Variants in ERG observed in about 807,000 individuals in gnomAD.
ERG encodes transcriptional regulator ERG.
In ERG, 9 loss-of-function variants were observed where a neutral mutation model predicts 55.3. That is an observed-to-expected ratio of 0.16 (90% CI 0.10 to 0.28). ERG has a LOEUF of 0.28. Among genes scored for constraint, ERG ranks in the 10% least tolerant of loss-of-function variants. The pLI, the probability that ERG is intolerant of heterozygous loss-of-function variation, is 1.00. For missense variants in ERG, 434 were observed against 631.6 expected (o/e 0.69, Z 3.35); for synonymous variants, 223 against 237.3 (o/e 0.94, Z 0.55).
intron 1 of ERG, among the ~76,000 whole-genome samples, chr21:38,576,980 C>T (rs1271409470): frequency 6.6e-6 from 1 of 152,204 alleles, no homozygotes; most frequent in Non-Finnish European, 1.5e-5. Flanking sequence ...TTTTTTGGCA[C>T]TAAAAATGCC....
the ERG span, among the ~76,000 whole-genome samples, chr21:38,373,045 A>C: frequency 6.6e-6 from 1 of 151,882 alleles, no homozygotes; most frequent in East Asian, 1.9e-4. Context: ...CTCAGTGCAC[A>C]CTCTTTGCTC....
intron 2 of ERG, among the ~76,000 whole-genome samples, chr21:38,555,226 C>T (rs561287460): frequency 6.6e-6 from 1 of 151,984 alleles, no homozygotes; most frequent in East Asian, 1.9e-4. Context: ...ACTCAGGAGG[C>T]TGAGGCAGGA....
chr21:38,506,857 T>C (rs1433179435), intron 2 of ERG, among the ~76,000 whole-genome samples: 1 of 152,134 alleles, frequency 6.6e-6, no homozygotes, highest in African/African-American at 2.4e-5. Context: ...TAGGATACAT[T>C]TTCCTCTCGC....
At chr21:38,369,411 G>A in the ERG span, among the ~76,000 whole-genome samples, 3 of 152,160 alleles carry the variant, frequency 2.0e-5, no homozygotes, top group Non-Finnish European at 2.9e-5. Context: ...CCACATGTAT[G>A]TTTTCTTCTG....
intron 1 of ERG, among the ~76,000 whole-genome samples, chr21:38,599,064 T>A (rs2060148239): frequency 6.6e-6 from 1 of 152,026 alleles, no homozygotes; most frequent in Non-Finnish European, 1.5e-5. Context: ...CCTCCAAGGG[T>A]TCCCCTAGGG....
At position 38,523,636 on chromosome 21, in the gene ERG, C is replaced by T. The variant is rs944884496; in HGVS notation, c.-41+52026G>A. 3.9e-5 allele frequency among the ~76,000 whole-genome samples: 6 copies of T among 152,112 alleles called. No homozygotes were observed. The East Asian group carries it at 5.8e-4, about 15-fold the overall frequency. ...CACCCCACTCATTATTGTAATTCTC[C>T]GTAAAACCCCAGTTACCCACACGGA... On this transcript the variant is annotated intron_variant, in intron 2 of 8. Transcript: ENST00000398897.
chr21:38,594,340 C>G (rs923815276), intron 1 of ERG, among the ~76,000 whole-genome samples: 1 of 152,200 alleles, frequency 6.6e-6, no homozygotes, highest in Non-Finnish European at 1.5e-5. Flanking sequence ...TTCCCCGACA[C>G]TCAGGACCTG....
At chr21:38,643,299 T>C (rs1024812093) in intron 1 of ERG, among the ~76,000 whole-genome samples, 2 of 152,168 alleles carry the variant, frequency 1.3e-5, no homozygotes, top group African/African-American at 4.8e-5. Context: ...ATTTACGGGA[T>C]GGTTTAATTG....
At chr21:38,397,924 C>T (rs1988307588) in intron 6 of ERG, among the ~76,000 whole-genome samples, 1 of 152,170 alleles carries the variant, frequency 6.6e-6, no homozygotes, top group Non-Finnish European at 1.5e-5. Flanking sequence ...TGGCTTGCTT[C>T]ATGGTCAGCA....
At chr21:38,618,018 A>G (rs2060268594) in intron 1 of ERG, among the ~76,000 whole-genome samples, 1 of 152,216 alleles carries the variant, frequency 6.6e-6, no homozygotes, top group African/African-American at 2.4e-5. Flanking sequence ...AATAAGGGGT[A>G]GGCCCAAGCC....
intron 2 of ERG, among the ~76,000 whole-genome samples, chr21:38,511,472 A>G (rs2059510984): frequency 6.6e-6 from 1 of 152,210 alleles, no homozygotes; most frequent in Admixed American, 6.5e-5. Flanking sequence ...TAGACTGCAC[A>G]TATGTAGGGA....
Position 38,461,784 on chromosome 21 carries a change from TA to T in ERG, c.19-16164del, listed in dbSNP as rs796446646. ...TTTCATAAAAATATCTCATTTGTGT[TA>T]ACATGCAATGAGTTTATTTATTTAT... On this transcript the variant is annotated intron_variant, in intron 1 of 9. Coordinates refer to ENST00000288319, the MANE Select transcript of ERG (RefSeq NM_182918.4). 8.0e-4 allele frequency among the ~76,000 whole-genome samples: 122 copies of T among 152,362 alleles called. 1 individual carries two copies. Among genetic ancestry groups the T allele is most frequent in the African/African-American group, 2.7e-3 (113 of 41,586 alleles).
At chr21:38,473,654 A>AT (rs955755169) in intron 1 of ERG, among the ~76,000 whole-genome samples, 5 of 151,824 alleles carry the variant, frequency 3.3e-5, no homozygotes, top group African/African-American at 1.2e-4. Flanking sequence ...GAGAGGGAAA[A>AT]TTTTTTTTGA....
intron 2 of ERG, among the ~76,000 whole-genome samples, chr21:38,424,444 A>G (rs759635954): frequency 3.3e-5 from 5 of 152,216 alleles, no homozygotes; most frequent in Non-Finnish European, 4.4e-5. Context: ...TGCACAGAAC[A>G]CGCACAAGGG....
At chr21:38,489,875 A>G (rs2146672584) in intron 1 of ERG, among the ~76,000 whole-genome samples, 1 of 152,352 alleles carries the variant, frequency 6.6e-6, no homozygotes, top group Admixed American at 6.5e-5. Context: ...TAAGAGGCTC[A>G]GGAGGGGTCC....
intron 2 of ERG, among the ~76,000 whole-genome samples, chr21:38,512,187 T>C (rs2059517530): frequency 6.6e-6 from 1 of 151,538 alleles, no homozygotes; most frequent in African/African-American, 2.4e-5. Context: ...ATCACAGGAG[T>C]TTACTATCCA....
chr21:38,563,669 C>A (rs1027639313), intron 2 of ERG, among the ~76,000 whole-genome samples: 1 of 152,220 alleles, frequency 6.6e-6, no homozygotes, highest in African/African-American at 2.4e-5. Flanking sequence ...ATTGCTTATT[C>A]AATTCAGTCA....
At chr21:38,425,093 C>A (rs910411332) in intron 2 of ERG, among the ~76,000 whole-genome samples, 18 of 152,150 alleles carry the variant, frequency 1.2e-4, no homozygotes, top group African/African-American at 4.3e-4. Flanking sequence ...AAAAGAAAAT[C>A]CAGCTTAGGG....
At chr21:38,404,876 T>C (rs139718432) in intron 3 of ERG, among the ~76,000 whole-genome samples, 196 of 152,330 alleles carry the variant, frequency 1.3e-3, no homozygotes, top group African/African-American at 4.4e-3. Flanking sequence ...TACTCAAGAA[T>C]GGAGCATGTA....
Sources: gnomAD v4.1 joint callset for allele counts (sites outside exome capture counted in the v4.1 genomes callset) on GRCh38, gnomAD v4.1.1 for gene constraint, MANE v1.5 for transcripts, NCBI Gene and HGNC (gene_info 2026-07-23, HGNC 2026-07-21) for gene names.